Variants in ZNF662 observed in about 807,000 individuals in gnomAD.
The protein encoded by ZNF662 is zinc finger protein 662.
ZNF662 carries 14 observed loss-of-function variants against 12.4 expected under a neutral mutation model. The observed-to-expected ratio is 1.13, with a 90% CI of 0.75 to 1.77. The LOEUF (loss-of-function observed/expected upper bound fraction) is 1.77. ZNF662 is among the 40% of genes most tolerant of loss of function. The probability of loss-of-function intolerance (pLI) is 0.00; values close to 1 mark genes in which losing one functional copy is unlikely to be tolerated. For synonymous variants in ZNF662, 184 were observed against 176.4 expected, an observed-to-expected ratio of 1.04 and a Z score of -0.34; for missense variants, 550 against 515.6, an observed-to-expected ratio of 1.07 and a Z score of -0.65.
Position 42,917,674 on chromosome 3 carries a change from A to G in ZNF662, c.*2320A>G. The G allele has an allele frequency of 6.1e-6, 4 of 654,382 alleles. No homozygotes were observed. The South Asian group carries it at 7.0e-5, about 11-fold the overall frequency. The allele number at this position is 654,382 out of a possible 1,614,324, so 40.5% of individuals were successfully genotyped here. ...TTGAGTTTTCTGTTATTTGCAACTTAGCCACACTAATACTGTTTTGTGTTT... is the reference window on the plus strand; with the variant it reads ...TTGAGTTTTCTGTTATTTGCAACTTGGCCACACTAATACTGTTTTGTGTTT... On this transcript the variant is annotated 3_prime_UTR_variant, in exon 5 of 5. Coordinates refer to ENST00000440367, the MANE Select transcript of ZNF662 (RefSeq NM_207404.4).
rs767112472 is a variant in ZNF662 at position 42,908,077 on chromosome 3, G to A, written c.-38G>A. The A allele has an allele frequency of 6.2e-7, 1 of 1,614,088 alleles. No individual in the cohort carries two copies. Among genetic ancestry groups the A allele is most frequent in the Non-Finnish European group, 8.5e-7 (1 of 1,180,034 alleles). On this transcript the variant is annotated 5_prime_UTR_variant, in exon 2 of 5. Transcript: ENST00000440367. ...TACTTCTCTGAGAACGAATGGATCG[G>A]CCTGGGCCCTGCTCAGAGAGCCCTG...
In ZNF662 at chr3:42,915,679, C is replaced by T; in HGVS notation, c.*325C>T. 2 of 233,810 alleles carry T rather than the reference C, an allele frequency of 8.6e-6. No homozygotes were observed. 14.5% of individuals were successfully genotyped at this position (233,810 alleles called of 1,614,324 possible). A position where few individuals can be genotyped will look rare whatever the true frequency, so the allele number is the denominator to read the frequency against. ...ATCTGAGTTGAAAGAGGTTATAAAA[C>T]TCATTCAGGGTTGCTCAGTTAGTAA... On this transcript the variant is annotated 3_prime_UTR_variant, in exon 5 of 5. Coordinates refer to ENST00000440367, the MANE Select transcript of ZNF662 (RefSeq NM_207404.4).
At chr3:42,908,551 C>T (rs2088717271) in intron 2 of ZNF662, 1 of 1,330,570 alleles carries the variant, frequency 7.5e-7, no homozygotes, top group Admixed American at 3.2e-5. Context: ...GACTCAATTC[C>T]TCAATGAGTG....
chr3:42,908,644 G>A, intron 2 of ZNF662, 149 bp from the exon 3 acceptor site: 2 of 1,475,452 alleles, frequency 1.4e-6, no homozygotes, highest in East Asian at 2.3e-5. Flanking sequence ...CCCCTCTCTT[G>A]TCCTTTCCCC....
intron 3 of ZNF662, among the ~76,000 whole-genome samples, chr3:42,912,697 TA>T (rs2088838130): frequency 3.7e-3 from 42 of 11,444 alleles, no homozygotes; most frequent in East Asian, 0.036. Context: ...ATATATATTT[TA>T]TATATATAAA....
chr3:42,909,782 TC>T (rs2088751173), intron 3 of ZNF662, among the ~76,000 whole-genome samples: 1 of 147,946 alleles, frequency 6.8e-6, no homozygotes, highest in African/African-American at 2.6e-5. Flanking sequence ...GCTCCTCACC[TC>T]CCAGATGGCG....
At position 42,915,488 on chromosome 3, in the gene ZNF662, T is replaced by A; in HGVS notation, c.*134T>A. ...GTATTATCTTGCCCTTTTGAACATTTACCATGTACTCTAGCAAGACTGGTC... is the reference window on the plus strand; with the variant it reads ...GTATTATCTTGCCCTTTTGAACATTAACCATGTACTCTAGCAAGACTGGTC... On this transcript the variant is annotated 3_prime_UTR_variant, in exon 5 of 5. Transcript: ENST00000440367. 1 of 818,152 alleles carries A rather than the reference T, an allele frequency of 1.2e-6. No individual in the cohort carries two copies. The allele number at this position is 818,152 out of a possible 1,614,324, so 50.7% of individuals were successfully genotyped here. A position where few individuals can be genotyped will look rare whatever the true frequency, so the allele number is the denominator to read the frequency against.
rs2088852826 is a variant in ZNF662 at position 42,913,263 on chromosome 3, C to CT, written c.215dup (p.Lys73GlufsTer31). 6.2e-7 allele frequency: 1 copy of CT among 1,613,934 alleles called. No individual in the cohort carries two copies. The highest frequency in any genetic ancestry group is 8.5e-7 in the Non-Finnish European group (1 of 1,179,958). On this transcript the variant is annotated frameshift_variant, in exon 4 of 5. Coordinates refer to ENST00000440367, the MANE Select transcript of ZNF662 (RefSeq NM_207404.4). LOFTEE classifies it low-confidence loss of function (END_TRUNC). ...TGAGCAGGTGGAAGAGCCATTAAAC[C>CT]TGAAACTGCAAGGAGAGGGTCCAAG... is the stretch of plus-strand genomic sequence containing the variant.
In ZNF662 at chr3:42,915,202, C is replaced by T. The variant is rs201163995; in HGVS notation, c.1129C>T (p.Arg377Ter). The change falls in exon 5 of 5, where the codon CGA (arginine) becomes TGA (stop). Residue 377 changes from arginine (R) to a stop codon, truncating the protein, a stop_gained. Transcript: ENST00000440367. LOFTEE classifies it low-confidence loss of function (END_TRUNC). ...KSFFCKAHLIRHQRIHTGERP... is the reference protein window; with the variant it reads ...KSFFCKAHLI ...CTTCTTTTGCAAGGCACATCTTATT[C>T]GACATCAAAGAATCCATACTGGGGA... The T allele has an allele frequency of 1.9e-5, 31 of 1,614,052 alleles. No individual in the cohort carries two copies. The highest frequency in any genetic ancestry group is 1.1e-4 in the African/African-American group (8 of 74,990).
At position 42,919,140 on chromosome 3, in the gene ZNF662, G is replaced by C. The variant is rs182024271; in HGVS notation, c.*3786G>C. On this transcript the variant is annotated 3_prime_UTR_variant, in exon 5 of 5. Transcript: ENST00000440367. The stretch of plus-strand genomic sequence containing the variant: ...TTTTGCTGCTTCTGAGCTGCAGCCA[G>C]AGATTGCTGGTTGGTTCACAGGAAT... Among the ~76,000 whole-genome samples, 1 of 152,212 alleles carries C rather than the reference G, an allele frequency of 6.6e-6. No individual in the cohort carries two copies. Among genetic ancestry groups the C allele is most frequent in the Non-Finnish European group, 1.5e-5 (1 of 68,036 alleles).
rs1251560378 is a variant in ZNF662, at chr3:42,908,982, G to A, written c.151+73G>A. The A allele has an allele frequency of 9.6e-6, 10 of 1,046,152 alleles. No individual in the cohort carries two copies. The East Asian group carries it at 2.0e-4, about 21-fold the overall frequency. 64.8% of individuals were successfully genotyped at this position (1,046,152 alleles called of 1,614,324 possible). On this transcript the variant is annotated intron_variant, in intron 3 of 4. Coordinates refer to ENST00000440367, the MANE Select transcript of ZNF662 (RefSeq NM_207404.4). The stretch of plus-strand genomic sequence containing the variant: ...GATCTTTAAAATGTCATAGATAGGT[G>A]TTTTTTTAATCTAGTGTTGTAGACA...
rs535315010 is a variant in ZNF662 at position 42,914,671 on chromosome 3, T to C, written c.598T>C (p.Cys200Arg). 7 of 1,614,250 alleles carry C rather than the reference T, an allele frequency of 4.3e-6. No individual in the cohort carries two copies. Among genetic ancestry groups the C allele is most frequent in the Non-Finnish European group, 5.9e-6 (7 of 1,180,040 alleles). Residue 200 changes from cysteine (C) to arginine (R), a missense_variant, in exon 5 of 5, where the codon TGT (cysteine) becomes CGT (arginine). Coordinates refer to ENST00000440367, the MANE Select transcript of ZNF662 (RefSeq NM_207404.4). Reference sequence around the variant, plus strand: ...CTATATATGTGAGGAATGCGGCAAGTGTTTTGATCAAAATGAGGACTTTGA... The same window carrying C: ...CTATATATGTGAGGAATGCGGCAAGCGTTTTGATCAAAATGAGGACTTTGA... The part of the protein sequence containing the change: ...IFYICEECGK[C>R]FDQNEDFDQH...
intron 3 of ZNF662, among the ~76,000 whole-genome samples, chr3:42,912,822 C>T: frequency 6.8e-6 from 1 of 146,194 alleles, no homozygotes; most frequent in Non-Finnish European, 1.5e-5. Flanking sequence ...TCACTGCAAC[C>T]TCTGCCTCCC....
rs761627349 is a variant in ZNF662 at position 42,908,859 on chromosome 3, C to T, written c.101C>T (p.Ser34Leu). ...GAGCGAGGGGAAACACCCTGGTGCTCGGTTCCTCGGGGAGCTCTGGATGGA... is the reference window on the plus strand; with the variant it reads ...GAGCGAGGGGAAACACCCTGGTGCTTGGTTCCTCGGGGAGCTCTGGATGGA... ...QLERGETPWC[S>L]VPRGALDGEA... The change falls in exon 3 of 5, where the codon TCG becomes TTG. Residue 34 changes from serine to leucine, a missense_variant. Coordinates refer to ENST00000440367, the MANE Select transcript of ZNF662 (RefSeq NM_207404.4). 1.9e-5 allele frequency: 31 copies of T among 1,613,994 alleles called. No individual in the cohort carries two copies. Among genetic ancestry groups the T allele is most frequent in the Middle Eastern group, 1.6e-4 (1 of 6,084 alleles).
At chr3:42,912,654 AT>A (rs1340679854) in intron 3 of ZNF662, among the ~76,000 whole-genome samples, 2 of 37,156 alleles carry the variant, frequency 5.4e-5, no homozygotes, top group East Asian at 4.3e-4. Context: ...ATATATATAA[AT>A]ATATATATAT....
In ZNF662 at chr3:42,914,385, A is replaced by G; in HGVS notation, c.312A>G (p.Glu104=). ...TTCTGAAGGAGGAAATTATTGAGGA[A>G]GCACAGGACCTCATGGTCCTATCAA... ...DFILKEEIIE[E]AQDLMVLSSG... is the part of the protein sequence containing the mutation. The change falls in exon 5 of 5, where the codon GAA becomes GAG. Residue 104 remains glutamate (E), a synonymous_variant. Transcript: ENST00000440367. 1.2e-6 allele frequency: 2 copies of G among 1,610,126 alleles called. No homozygotes were observed. The highest frequency in any genetic ancestry group is 1.3e-5 in the African/African-American group (1 of 74,714).
intron 1 of ZNF662, 131 bp from the exon 2 acceptor site, chr3:42,907,891 G>C: frequency 5.0e-6 from 7 of 1,396,490 alleles, no homozygotes; most frequent in Non-Finnish European, 6.6e-6. Flanking sequence ...TCTGCTGATA[G>C]AGTTCCTGTA....
chr3:42,906,352 A>T lies in ZNF662; in HGVS notation c.-94+184A>T. 6.5e-7 allele frequency: 1 copy of T among 1,528,772 alleles called. No homozygotes were observed. Among genetic ancestry groups the T allele is most frequent in the East Asian group, 2.5e-5 (1 of 39,332 alleles). The allele number at this position is 1,528,772 out of a possible 1,614,324, so 94.7% of individuals were successfully genotyped here. On this transcript the variant is annotated intron_variant, in intron 1 of 4. Transcript: ENST00000440367. This position sits in a 1 kb window ranked among gnomAD's most constrained non-coding sequence, Gnocchi z 4.4. ...GCTTTCCCAGAGGGCGACCTGGGCT[A>T]TGGCGGCCGTGGCGCTGGCGAGCGG...
At chr3:42,909,338 C>T (rs986922856) in intron 3 of ZNF662, among the ~76,000 whole-genome samples, 3 of 152,156 alleles carry the variant, frequency 2.0e-5, no homozygotes, top group Non-Finnish European at 2.9e-5. Flanking sequence ...TCCATTTAAC[C>T]GTTAGTGGAC....
Sources: gnomAD v4.1 joint callset for allele counts (sites outside exome capture counted in the v4.1 genomes callset) on GRCh38, gnomAD v4.1.1 for gene constraint, Gnocchi (gnomAD v3.1) non-coding constraint, MANE v1.5 for transcripts, NCBI Gene and HGNC (gene_info 2026-07-23, HGNC 2026-07-21) for gene names.